Variants in RNF128 observed in about 807,000 individuals in gnomAD.
RNF128 encodes the protein E3 ubiquitin-protein ligase RNF128.
RNF128 carries 13 observed loss-of-function variants against 26.2 expected under a neutral mutation model. That is an observed-to-expected ratio of 0.50 (90% CI 0.32 to 0.79). The LOEUF is 0.79. RNF128 is among the 30% of genes least tolerant of loss of function. The probability of loss-of-function intolerance (pLI) is 0.03; values close to 1 mark genes in which losing one functional copy is unlikely to be tolerated. For synonymous variants in RNF128, 149 were observed against 142.5 expected (o/e 1.05, Z -0.32); for missense variants, 315 against 349.7 (o/e 0.90, Z 0.79).
At chrX:106,741,166 T>TAC (rs1480338072) in intron 1 of RNF128, among the ~76,000 whole-genome samples, 2 of 112,148 alleles carry the variant, frequency 1.8e-5, no homozygotes, top group Non-Finnish European at 3.8e-5. Context: ...TAATAACATA[T>TAC]ACACTATAAT....
intron 1 of RNF128, among the ~76,000 whole-genome samples, chrX:106,759,096 C>G (rs1449556459): frequency 9.0e-6 from 1 of 111,689 alleles, no homozygotes; most frequent in African/African-American, 3.2e-5. Flanking sequence ...AGGAAAATAT[C>G]TAATAATCCG....
chrX:106,779,348 CGTGTGTGTGTGTGTGTGTGT>C (rs372716238), intron 2 of RNF128, among the ~76,000 whole-genome samples: 8 of 90,114 alleles, frequency 8.9e-5, no homozygotes, highest in Non-Finnish European at 1.3e-4. Flanking sequence ...TACACAGTTA[CGTGTGTGTGTGTGTGTGTGT>C]GTGTGTGTGT....
intron 1 of RNF128, among the ~76,000 whole-genome samples, chrX:106,753,481 G>C (rs1770012664): frequency 9.0e-6 from 1 of 110,592 alleles, no homozygotes. Context: ...AAAATAAAAA[G>C]CAAGAAATTA....
At chrX:106,764,055 C>T (rs935835372) in intron 1 of RNF128, among the ~76,000 whole-genome samples, 2 of 109,167 alleles carry the variant, frequency 1.8e-5, no homozygotes, top group Admixed American at 9.7e-5. Flanking sequence ...CTCCACCTCC[C>T]GGGTTCACGC....
At chrX:106,705,778 A>G (rs1603079674) in intron 1 of RNF128, among the ~76,000 whole-genome samples, 1 of 112,085 alleles carries the variant, frequency 8.9e-6, no homozygotes, top group South Asian at 3.7e-4. Context: ...GTTACATCTG[A>G]GAAATGTAGT....
intron 1 of RNF128, among the ~76,000 whole-genome samples, chrX:106,772,594 C>A (rs1930393045): frequency 9.0e-6 from 1 of 111,130 alleles, no homozygotes; most frequent in African/African-American, 3.3e-5. Flanking sequence ...TTTAAGCAAG[C>A]CTTCATATAA....
chrX:106,767,349 C>T (rs1187030169), intron 1 of RNF128, among the ~76,000 whole-genome samples: 10 of 111,787 alleles, frequency 8.9e-5, no homozygotes, highest in Non-Finnish European at 1.9e-4. Context: ...TCCATGAACA[C>T]GGAATGTTCT....
chrX:106,714,064 G>C (rs775158488), intron 1 of RNF128, among the ~76,000 whole-genome samples: 11 of 109,052 alleles, frequency 1.0e-4, no homozygotes, highest in Non-Finnish European at 1.5e-4. Context: ...AGTAGTCCCA[G>C]CTACTGGGGA....
At chrX:106,747,920 C>A (rs917974246) in intron 1 of RNF128, among the ~76,000 whole-genome samples, 1 of 111,942 alleles carries the variant, frequency 8.9e-6, no homozygotes, top group African/African-American at 3.2e-5. Context: ...GCAGGGACTG[C>A]ACTTTATTAC....
chrX:106,791,648 T>C (rs1343660470), intron 6 of RNF128, among the ~76,000 whole-genome samples: 4 of 111,344 alleles, frequency 3.6e-5, no homozygotes, highest in African/African-American at 1.3e-4. Flanking sequence ...TATACCCAAC[T>C]TCTCTGGAAC....
chrX:106,726,708 CGGA>C lies in RNF128; in HGVS notation c.-204_-202del, dbSNP rs1433415970. 6.8e-6 allele frequency: 7 copies of C among 1,027,580 alleles called. No individual in the cohort carries two copies. In the African/African-American group the frequency reaches 1.0e-4, roughly 15 times the overall value. 84.7% of individuals were successfully genotyped at this position (1,027,580 alleles called of 1,213,427 possible). ...GAGCCCGACGCGGCAGCCGCGGTAGCGGAGAAGACTGGAGCTCCGAGGAGCTGC... is the reference window on the plus strand; with the variant it reads ...GAGCCCGACGCGGCAGCCGCGGTAGCGAAGACTGGAGCTCCGAGGAGCTGC... On this transcript the variant is annotated 5_prime_UTR_variant, in exon 1 of 7. Transcript: ENST00000255499.
chrX:106,729,591 C>G (rs1019386542), intron 1 of RNF128, among the ~76,000 whole-genome samples: 2 of 110,807 alleles, frequency 1.8e-5, no homozygotes, highest in African/African-American at 3.3e-5. Flanking sequence ...GAATAAAGCC[C>G]TAAATATTGA....
chrX:106,733,129 T>C (rs1464908535), intron 1 of RNF128, among the ~76,000 whole-genome samples: 2 of 111,083 alleles, frequency 1.8e-5, no homozygotes, highest in African/African-American at 3.3e-5. Context: ...ATAAATAATC[T>C]AGAGATTATT....
At chrX:106,702,846 C>T (rs781492897) in intron 1 of RNF128, among the ~76,000 whole-genome samples, 1 of 111,483 alleles carries the variant, frequency 9.0e-6, no homozygotes, top group South Asian at 3.8e-4. Flanking sequence ...TTCAGAGTGT[C>T]CCTCATCACA....
intron 1 of RNF128, among the ~76,000 whole-genome samples, chrX:106,698,760 A>C (rs1465346552): frequency 1.8e-5 from 2 of 111,240 alleles, no homozygotes; most frequent in Admixed American, 1.9e-4. Context: ...AATAAATCTC[A>C]TTCTGTTTAA....
intron 1 of RNF128, among the ~76,000 whole-genome samples, chrX:106,754,523 G>T (rs2147683225): frequency 1.1e-5 from 1 of 93,914 alleles, no homozygotes; most frequent in East Asian, 3.5e-4. Flanking sequence ...GCCTCCCAAA[G>T]TGCTGGGATT....
At chrX:106,715,486 A>AT (rs962318093) in intron 1 of RNF128, among the ~76,000 whole-genome samples, 31 of 111,586 alleles carry the variant, frequency 2.8e-4, no homozygotes, top group African/African-American at 9.1e-4. Context: ...TTCAATGGGG[A>AT]TTTTTTTTAA....
intron 1 of RNF128, among the ~76,000 whole-genome samples, chrX:106,755,568 G>A (rs191027400): frequency 9.0e-6 from 1 of 111,595 alleles, no homozygotes; most frequent in East Asian, 2.8e-4. Flanking sequence ...AATTGATCAT[G>A]ATCAAGTGGG....
At chrX:106,794,657 A>G (rs1401851248) in intron 6 of RNF128, among the ~76,000 whole-genome samples, 1 of 110,831 alleles carries the variant, frequency 9.0e-6, no homozygotes, top group African/African-American at 3.3e-5. Flanking sequence ...TGTCATTGCT[A>G]TTGGCCCTTT....
Sources: gnomAD v4.1 joint callset for allele counts (sites outside exome capture counted in the v4.1 genomes callset) on GRCh38, gnomAD v4.1.1 for gene constraint, MANE v1.5 for transcripts, NCBI Gene and HGNC (gene_info 2026-07-23, HGNC 2026-07-21) for gene names.